The following ROCK2 variants were observed in gnomAD, a reference collection of about 807,000 sequenced individuals.
ROCK2 encodes Rho associated coiled-coil containing protein kinase 2.
In ROCK2, 61 loss-of-function variants were observed where a neutral mutation model predicts 195.1. That is an observed-to-expected ratio of 0.31 (90% confidence interval 0.25 to 0.39). The LOEUF (loss-of-function observed/expected upper bound fraction) is 0.39. Among genes scored for constraint, ROCK2 ranks in the 10% least tolerant of loss-of-function variants. The probability of loss-of-function intolerance (pLI) is 1.00; values close to 1 mark genes in which losing one functional copy is unlikely to be tolerated. For missense variants in ROCK2, 1,109 were observed against 1,637.4 expected, an observed-to-expected ratio of 0.68 and a Z score of 5.57; for synonymous variants, 504 against 545.5, an observed-to-expected ratio of 0.92 and a Z score of 1.06.
At chr2:11,304,043 A>AT (rs1472758883) in intron 1 of ROCK2, among the ~76,000 whole-genome samples, 1 of 152,092 alleles carries the variant, frequency 6.6e-6, no homozygotes, top group Non-Finnish European at 1.5e-5. Context: ...CTTTCTTAGT[A>AT]TACTTTATTG....
chr2:11,269,225 G>GT (rs1275496064), intron 3 of ROCK2, among the ~76,000 whole-genome samples: 2 of 152,040 alleles, frequency 1.3e-5, no homozygotes, highest in Admixed American at 1.3e-4. Flanking sequence ...TAAAGTCTTT[G>GT]TTTTGGCCAG....
chr2:11,245,175 T>C (rs945289692), intron 4 of ROCK2, among the ~76,000 whole-genome samples: 3 of 151,222 alleles, frequency 2.0e-5, no homozygotes, highest in East Asian at 1.9e-4. Flanking sequence ...ACATTAGCAA[T>C]GAAATTTATA....
chr2:11,262,557 A>G (rs1183284788), intron 3 of ROCK2, among the ~76,000 whole-genome samples: 1 of 152,170 alleles, frequency 6.6e-6, no homozygotes, highest in Non-Finnish European at 1.5e-5. Context: ...GATAGTAAGT[A>G]GTAAGTCTCA....
intron 3 of ROCK2, among the ~76,000 whole-genome samples, chr2:11,258,380 T>C (rs551454210): frequency 7.9e-5 from 12 of 151,600 alleles, no homozygotes; most frequent in Middle Eastern, 3.4e-3. Flanking sequence ...GATTTAACAG[T>C]GGTCCTTTGT....
chr2:11,258,741 G>A (rs1184832567), intron 3 of ROCK2, among the ~76,000 whole-genome samples: 2 of 151,152 alleles, frequency 1.3e-5, no homozygotes, highest in African/African-American at 4.9e-5. Context: ...GGTTGTGAAT[G>A]CAGTTGACTG....
chr2:11,344,034 G>A lies in ROCK2; in HGVS notation c.103C>T (p.Arg35Ter). 1 of 1,588,516 alleles carries A rather than the reference G, an allele frequency of 6.3e-7. No individual in the cohort carries two copies. Among genetic ancestry groups the A allele is most frequent in the Non-Finnish European group, 8.6e-7 (1 of 1,168,776 alleles). Residue 35 changes from arginine (R) to a stop codon, truncating the protein, a stop_gained, in exon 1 of 33, where the codon CGA (arginine) becomes TGA (stop). Coordinates refer to ENST00000315872, the MANE Select transcript of ROCK2 (RefSeq NM_004850.5). LOFTEE classifies it high-confidence loss of function. This position sits in a 1 kb window ranked among gnomAD's most constrained non-coding sequence, Gnocchi z 5.4. ...ACGTTGATGGGGGAGCGAGGGTCTC[G>A]GATCAGCGCCTCCAGCTTCCTCTGG... ...SRQRKLEALI[R>*]DPRSPINVES...
chr2:11,301,842 T>C (rs1024372398), intron 1 of ROCK2, among the ~76,000 whole-genome samples: 1 of 151,904 alleles, frequency 6.6e-6, no homozygotes, highest in Non-Finnish European at 1.5e-5. Context: ...TCTATGTAAG[T>C]CAGGTTTAGA....
chr2:11,283,041 C>T (rs1156918335), intron 3 of ROCK2, among the ~76,000 whole-genome samples: 1 of 151,868 alleles, frequency 6.6e-6, no homozygotes, highest in Non-Finnish European at 1.5e-5. Context: ...CCAAGGTGGG[C>T]AGATTGCCTG....
At chr2:11,282,738 G>A (rs1667051199) in intron 3 of ROCK2, among the ~76,000 whole-genome samples, 1 of 151,564 alleles carries the variant, frequency 6.6e-6, no homozygotes, top group Non-Finnish European at 1.5e-5. Flanking sequence ...AAGAAAGAAA[G>A]AACTGATAAC....
intron 3 of ROCK2, among the ~76,000 whole-genome samples, chr2:11,256,322 T>C (rs993821143): frequency 6.6e-6 from 1 of 151,126 alleles, no homozygotes; most frequent in Non-Finnish European, 1.5e-5. Context: ...TGAGTTCTCA[T>C]GAGATCTGGT....
intron 4 of ROCK2, among the ~76,000 whole-genome samples, chr2:11,245,720 A>C (rs1205387500): frequency 1.3e-5 from 2 of 152,168 alleles, no homozygotes; most frequent in African/African-American, 4.8e-5. Flanking sequence ...CAAGCTATCA[A>C]AGATTATTAA....
intron 29 of ROCK2, 36 bp from the exon 30 acceptor site, chr2:11,193,893 C>A: frequency 8.6e-7 from 1 of 1,159,722 alleles, no homozygotes; most frequent in Admixed American, 1.8e-5. Context: ...TAAAATATCA[C>A]CCAAGGATCA....
At chr2:11,262,993 C>T (rs1466723336) in intron 3 of ROCK2, among the ~76,000 whole-genome samples, 1 of 152,116 alleles carries the variant, frequency 6.6e-6, no homozygotes, top group Non-Finnish European at 1.5e-5. Context: ...AATGTTCTCA[C>T]ATTTTCTGTT....
At position 11,189,788 on chromosome 2, in the gene ROCK2, C is replaced by A. The variant is rs141877879; in HGVS notation, c.4163+2360G>T. Among the ~76,000 whole-genome samples, 960 of 152,010 alleles carry A rather than the reference C, an allele frequency of 6.3e-3. 8 individuals are homozygous for A. The highest frequency in any genetic ancestry group is 0.01 in the Non-Finnish European group (683 of 67,986). On this transcript the variant is annotated intron_variant, in intron 32 of 32. Transcript: ENST00000315872. ...CTTAAGGCCAGGCATTTGAGACCAGCCTGGGCAACATAGGGAGACCCCCAT... is the reference window on the plus strand; with the variant it reads ...CTTAAGGCCAGGCATTTGAGACCAGACTGGGCAACATAGGGAGACCCCCAT...
chr2:11,268,654 T>C (rs1463042235), intron 3 of ROCK2, among the ~76,000 whole-genome samples: 2 of 152,162 alleles, frequency 1.3e-5, no homozygotes, highest in Non-Finnish European at 1.5e-5. Flanking sequence ...AATCTATTCA[T>C]AATCTATTGA....
intron 1 of ROCK2, among the ~76,000 whole-genome samples, chr2:11,313,366 C>T (rs753572592): frequency 6.6e-6 from 1 of 151,972 alleles, no homozygotes; most frequent in Admixed American, 6.6e-5. Flanking sequence ...GACAAATTTA[C>T]ACTCTTCTAC....
chr2:11,274,443 A>AC (rs1244774415), intron 3 of ROCK2, among the ~76,000 whole-genome samples: 1 of 152,204 alleles, frequency 6.6e-6, no homozygotes, highest in Non-Finnish European at 1.5e-5. Flanking sequence ...ATTACTACCC[A>AC]CTTTACGAAA....
chr2:11,184,601 A>C, intron 32 of ROCK2: 2 of 982,012 alleles, frequency 2.0e-6, no homozygotes, highest in Non-Finnish European at 2.4e-6. Context: ...ATGAAAGCCC[A>C]AGTGGCAAAC....
intron 1 of ROCK2, chr2:11,308,655 G>A (rs1323699510): frequency 4.8e-6 from 7 of 1,470,616 alleles, no homozygotes; most frequent in Non-Finnish European, 5.7e-6. Context: ...GTGGCTTCAA[G>A]AAAAGAAGAT....
Sources: allele counts gnomAD v4.1 joint callset (sites outside exome capture counted in the v4.1 genomes callset), GRCh38; gene constraint gnomAD v4.1.1; non-coding constraint Gnocchi (gnomAD v3.1); transcripts MANE v1.5; gene names NCBI Gene and HGNC (gene_info 2026-07-23, HGNC 2026-07-21).